Variants in ODR4 observed in about 807,000 individuals in gnomAD.
ODR4 encodes protein odr-4 homolog.
ODR4 carries 47 observed loss-of-function variants against 60.2 expected under a neutral mutation model. The observed-to-expected ratio is 0.78, with a 90% CI of 0.62 to 1.00. The LOEUF is 1.00. ODR4 is among the 50% of genes least tolerant of loss of function. ODR4 has a pLI of 0.00. For missense variants in ODR4, 488 were observed against 530.8 expected, an observed-to-expected ratio of 0.92 and a Z score of 0.79; for synonymous variants, 178 against 175.5, an observed-to-expected ratio of 1.01 and a Z score of -0.11.
chr1:186,383,402 A>G (rs1660116543), intron 3 of ODR4, among the ~76,000 whole-genome samples: 1 of 152,130 alleles, frequency 6.6e-6, no homozygotes. Flanking sequence ...AATGAATTAT[A>G]TATCATCAAA....
chr1:186,421,395 A>G (rs1160255575), downstream of ODR4: 1 of 152,214 alleles, frequency 6.6e-6, no homozygotes, highest in Non-Finnish European at 1.5e-5. Flanking sequence ...ATTTTTAAAT[A>G]AGGATATAAT....
intron 2 of ODR4, 32 bp from the exon 3 acceptor site, chr1:186,382,990 A>T (rs1558060011): frequency 6.4e-7 from 1 of 1,560,398 alleles, no homozygotes; most frequent in Non-Finnish European, 8.7e-7. Context: ...ATCAGATATC[A>T]CTCTAACAAG....
At chr1:186,400,962 A>G in intron 11 of ODR4, 2 of 1,351,988 alleles carry the variant, frequency 1.5e-6, no homozygotes, top group Non-Finnish European at 2.0e-6. Context: ...GTTTGTGGTA[A>G]CTCCTGTGGT....
intron 12 of ODR4, among the ~76,000 whole-genome samples, chr1:186,412,549 A>G (rs1362335640): frequency 6.6e-6 from 1 of 152,206 alleles, no homozygotes. Flanking sequence ...TAAAGAACAC[A>G]TTCCCAAATA....
At chr1:186,385,510 T>C (rs1460031313) in intron 3 of ODR4, among the ~76,000 whole-genome samples, 1 of 151,458 alleles carries the variant, frequency 6.6e-6, no homozygotes, top group Non-Finnish European at 1.5e-5. Flanking sequence ...AAGTATCCAG[T>C]AGGGTTGAGA....
chr1:186,434,941 C>T, the ODR4 span, among the ~76,000 whole-genome samples: 9 of 152,242 alleles, frequency 5.9e-5, no homozygotes, highest in South Asian at 1.9e-3. Flanking sequence ...TTAATTCAAG[C>T]TAGTCTGTGT....
At chr1:186,401,213 T>C (rs1239427284) in intron 11 of ODR4, 5 of 1,541,658 alleles carry the variant, frequency 3.2e-6, no homozygotes, top group Non-Finnish European at 4.4e-6. Flanking sequence ...GTAAAATTAA[T>C]GGCCCCTAAC....
chr1:186,418,232 GTA>G (rs1379937770), intron 13 of ODR4, among the ~76,000 whole-genome samples: 1 of 150,554 alleles, frequency 6.6e-6, no homozygotes, highest in East Asian at 1.9e-4. Flanking sequence ...TAATTTTTTT[GTA>G]CATGTGTGTG....
intron 11 of ODR4, among the ~76,000 whole-genome samples, chr1:186,405,085 TA>T (rs1661122895): frequency 6.6e-6 from 1 of 152,142 alleles, no homozygotes; most frequent in Non-Finnish European, 1.5e-5. Flanking sequence ...TATTTTTTTC[TA>T]AAAATGATTT....
downstream of ODR4, among the ~76,000 whole-genome samples, chr1:186,424,612 G>C (rs1661852853): frequency 6.6e-6 from 1 of 151,806 alleles, no homozygotes; most frequent in African/African-American, 2.4e-5. Flanking sequence ...TCAGCTGGGT[G>C]GTTTTGCGCC....
the ODR4 span, among the ~76,000 whole-genome samples, chr1:186,434,184 A>T: frequency 6.6e-6 from 1 of 152,180 alleles, no homozygotes; most frequent in African/African-American, 2.4e-5. Context: ...TATATCTAAT[A>T]ATGCTTTTTC....
At chr1:186,399,977 TC>T (rs1660861491) in intron 11 of ODR4, among the ~76,000 whole-genome samples, 4 of 148,316 alleles carry the variant, frequency 2.7e-5, no homozygotes, top group Admixed American at 6.6e-5. Context: ...ATCTCCCCAT[TC>T]TTTTTTTTTT....
At chr1:186,434,238 G>T in the ODR4 span, among the ~76,000 whole-genome samples, 1 of 152,038 alleles carries the variant, frequency 6.6e-6, no homozygotes, top group Admixed American at 6.6e-5. Flanking sequence ...CTTGCTTAAA[G>T]AATTGTATTT....
At position 186,416,597 on chromosome 1, in the gene ODR4, G is replaced by A. The variant is rs150203090; in HGVS notation, c.1187-947G>A. ...TGAGGCAGGAGAATTGCTTGAACCT[G>A]GAAGGTGGAGGTTGCAGTGAGCTGA... is the stretch of plus-strand genomic sequence containing the variant. On this transcript the variant is annotated intron_variant, in intron 12 of 13. Coordinates refer to ENST00000287859, the MANE Select transcript of ODR4 (RefSeq NM_017847.6). Among the ~76,000 whole-genome samples, 151 of 152,206 alleles carry A rather than the reference G, an allele frequency of 9.9e-4. 1 individual carries two copies. The East Asian group carries it at 0.012, about 12-fold the overall frequency.
At chr1:186,387,403 G>C (rs1442305407) in intron 4 of ODR4, among the ~76,000 whole-genome samples, 1 of 152,114 alleles carries the variant, frequency 6.6e-6, no homozygotes, top group Non-Finnish European at 1.5e-5. Context: ...TTTTTTGGCT[G>C]GTGCTGAATT....
intron 12 of ODR4, among the ~76,000 whole-genome samples, chr1:186,409,314 C>T (rs1377921172): frequency 6.6e-6 from 1 of 152,204 alleles, no homozygotes; most frequent in Non-Finnish European, 1.5e-5. Context: ...TTCAAATTCT[C>T]ATGAAACCGT....
At chr1:186,401,165 ATTG>A (rs1660930074) in intron 11 of ODR4, 1 of 1,592,636 alleles carries the variant, frequency 6.3e-7, no homozygotes, top group Non-Finnish European at 8.6e-7. Flanking sequence ...ATTCTTTCAT[ATTG>A]TTAGTACTTT....
chr1:186,426,687 T>A, the ODR4 span, among the ~76,000 whole-genome samples: 19,406 of 152,158 alleles, frequency 0.13, 1,315 homozygotes, highest in Middle Eastern at 0.18. Flanking sequence ...AAGTGGCATA[T>A]GCTTGTAGAG....
At chr1:186,389,453 C>CATGTGT in intron 5 of ODR4, 135 bp from the exon 6 acceptor site, 1 of 647,594 alleles carries the variant, frequency 1.5e-6, no homozygotes, top group Non-Finnish European at 2.7e-6. Context: ...CATATATGTA[C>CATGTGT]GCATATCTTT....
Sources: gnomAD v4.1 joint callset for allele counts (sites outside exome capture counted in the v4.1 genomes callset) on GRCh38, gnomAD v4.1.1 for gene constraint, MANE v1.5 for transcripts, NCBI Gene and HGNC (gene_info 2026-07-23, HGNC 2026-07-21) for gene names.